Variants in VSIG10 observed in about 807,000 individuals in gnomAD.
VSIG10 encodes V-set and immunoglobulin domain-containing protein 10.
A neutral mutation model predicts 58.7 loss-of-function variants in VSIG10; 48 were observed. The ratio of observed to expected loss-of-function variants is 0.82; its 90% CI spans 0.65 to 1.04. VSIG10 has a LOEUF of 1.04. Among genes scored for constraint, VSIG10 ranks in the 50% least tolerant of loss-of-function variants. The pLI, the probability that VSIG10 is intolerant of heterozygous loss-of-function variation, is 0.00. For synonymous variants in VSIG10, 260 were observed against 267.1 expected, an observed-to-expected ratio of 0.97 and a Z score of 0.26; for missense variants, 628 against 670.0, an observed-to-expected ratio of 0.94 and a Z score of 0.69.
intron 2 of VSIG10, among the ~76,000 whole-genome samples, chr12:118,092,623 T>C (rs1050411089): frequency 6.9e-6 from 1 of 144,916 alleles, no homozygotes; most frequent in African/African-American, 2.5e-5. Flanking sequence ...TTTCATTTCA[T>C]ATGATTTTCT....
rs2032266839 is a variant in VSIG10, at chr12:118,066,858, T to C, written c.1568-164A>G. ...GCGTGTGTTTTCCCCTTTTCACCTG[T>C]TTTCTACATTCAGAACCTCTAGGCA... On this transcript the variant is annotated intron_variant, in intron 8 of 8. Coordinates refer to ENST00000359236, the MANE Select transcript of VSIG10 (RefSeq NM_019086.6). 1.7e-5 allele frequency: 12 copies of C among 710,620 alleles called. 1 individual carries two copies. In the South Asian group the frequency reaches 2.3e-4, roughly 13 times the overall value. The allele number at this position is 710,620 out of a possible 1,614,324, so 44.0% of individuals were successfully genotyped here.
At chr12:118,075,743 A>G (rs1021428383) in intron 4 of VSIG10, among the ~76,000 whole-genome samples, 3 of 151,818 alleles carry the variant, frequency 2.0e-5, no homozygotes, top group African/African-American at 7.3e-5. Flanking sequence ...GCACTGTTAC[A>G]TGTATTAACC....
chr12:118,099,862 T>C (rs1036765106), intron 1 of VSIG10, among the ~76,000 whole-genome samples: 8 of 152,212 alleles, frequency 5.3e-5, no homozygotes, highest in Non-Finnish European at 7.3e-5. Flanking sequence ...TTTAAAGATC[T>C]GAAGCCAGCC....
At position 118,066,366 on chromosome 12, in the gene VSIG10, T is replaced by A; in HGVS notation, c.*273A>T. ...AGATCAACCTGGATAAAGCCAGGAT[T>A]CACAGCAGAAGTGGCACCTCAGACA... On this transcript the variant is annotated 3_prime_UTR_variant, in exon 9 of 9. Coordinates refer to ENST00000359236, the MANE Select transcript of VSIG10 (RefSeq NM_019086.6). The A allele has an allele frequency of 4.0e-6, 2 of 496,982 alleles. No homozygotes were observed. The highest frequency in any genetic ancestry group is 7.3e-6 in the Non-Finnish European group (2 of 273,650). The allele number at this position is 496,982 out of a possible 1,614,324, so 30.8% of individuals were successfully genotyped here.
At chr12:118,079,682 C>G in intron 3 of VSIG10, 76 bp from the exon 4 acceptor site, 1 of 1,568,542 alleles carries the variant, frequency 6.4e-7, no homozygotes, top group East Asian at 2.2e-5. Flanking sequence ...CTAAGGATGG[C>G]AGAACCAGGG....
rs138451942 is a variant in VSIG10 at position 118,092,878 on chromosome 12, C to T, written c.361+2655G>A. Among the ~76,000 whole-genome samples the T allele has an allele frequency of 3.5e-3, 528 of 152,026 alleles. 1 individual carries two copies. The highest frequency in any genetic ancestry group is 0.012 in the African/African-American group (503 of 41,508). On this transcript the variant is annotated intron_variant, in intron 2 of 8. Coordinates refer to ENST00000359236, the MANE Select transcript of VSIG10 (RefSeq NM_019086.6). ...CTCAAACTCCTGGGCTCAAATCATC[C>T]GTCCGCCTCAGCCTCCCAAAGTGCT...
At chr12:118,079,821 ATTTC>A (rs141622446) in intron 3 of VSIG10, among the ~76,000 whole-genome samples, 97,275 of 150,712 alleles carry the variant, frequency 0.65, 32,294 homozygotes, top group African/African-American at 0.81. Context: ...TCACCTTTGC[ATTTC>A]TTTCTTTCTT....
Position 118,068,433 on chromosome 12 carries a change from G to A in VSIG10, c.1511C>T (p.Thr504Ile). ...TTCTATGTTCCCATTCACCAAGGCG[G>A]TCACTCTGTGAATGTGGTCCTGCTT... Reference protein sequence around the residue: ...IPKQDHIHRVTALVNGNIEQM... With the variant: ...IPKQDHIHRVIALVNGNIEQM... The change falls in exon 8 of 9, where the codon ACC becomes ATC. Residue 504 changes from threonine (T) to isoleucine (I), a missense_variant. By Grantham distance (89) the Thr-to-Ile change is moderately conservative. Transcript: ENST00000359236. 2 of 1,613,786 alleles carry A rather than the reference G, an allele frequency of 1.2e-6. No homozygotes were observed. Among genetic ancestry groups the A allele is most frequent in the Non-Finnish European group, 1.7e-6 (2 of 1,179,868 alleles).
intron 1 of VSIG10, among the ~76,000 whole-genome samples, chr12:118,101,370 A>T (rs1398631943): frequency 6.6e-6 from 1 of 152,206 alleles, no homozygotes; most frequent in Non-Finnish European, 1.5e-5. Context: ...GTTATCACTT[A>T]AAGTCCCAAG....
chr12:118,095,994 C>T (rs529366271), intron 1 of VSIG10, among the ~76,000 whole-genome samples, 180 bp from the exon 2 acceptor site: 41 of 143,674 alleles, frequency 2.9e-4, no homozygotes, highest in African/African-American at 3.9e-4. Flanking sequence ...GGCACTATCT[C>T]GCCTAACTGC....
In VSIG10 at chr12:118,066,578, C is replaced by T. The variant is rs1422866913; in HGVS notation, c.*61G>A. The T allele has an allele frequency of 8.2e-6, 13 of 1,581,180 alleles. No homozygotes were observed. The highest frequency in any genetic ancestry group is 9.6e-6 in the Non-Finnish European group (11 of 1,150,202). On this transcript the variant is annotated 3_prime_UTR_variant, in exon 9 of 9. Coordinates refer to ENST00000359236, the MANE Select transcript of VSIG10 (RefSeq NM_019086.6). The stretch of plus-strand genomic sequence containing the variant: ...GGTGGAGTCAAAGCTGAATGAAGAG[C>T]TCGTCTTCAATGTAGCTCTCCAAGC...
intron 2 of VSIG10, among the ~76,000 whole-genome samples, chr12:118,086,158 C>G (rs1202586605): frequency 2.9e-5 from 4 of 138,380 alleles, no homozygotes; most frequent in Non-Finnish European, 6.2e-5. Context: ...AACTTTGTCT[C>G]AAAAAAAAAA....
At position 118,068,027 on chromosome 12, in the gene VSIG10, T is replaced by C. The variant is rs1015772976; in HGVS notation, c.1567+350A>G. 6.3e-4 allele frequency among the ~76,000 whole-genome samples: 79 copies of C among 125,738 alleles called. 1 individual carries two copies. The highest frequency in any genetic ancestry group is 3.7e-3 in the Middle Eastern group (1 of 272). The allele number at this position is 125,738 out of a possible 152,430, so 82.5% of individuals were successfully genotyped here. ...AGCAGTTCAGAGGTTTGTGGGCTTT[T>C]TTTTTTTTTTTTTTTTTTCTGAGGC... On this transcript the variant is annotated intron_variant, in intron 8 of 8. Coordinates refer to ENST00000359236, the MANE Select transcript of VSIG10 (RefSeq NM_019086.6).
Position 118,075,152 on chromosome 12 carries a change from GTA to G in VSIG10, c.926-1162_926-1161del, listed in dbSNP as rs896702384. Among the ~76,000 whole-genome samples, 53 of 114,210 alleles carry G rather than the reference GTA, an allele frequency of 4.6e-4. 1 individual carries two copies. Among genetic ancestry groups the G allele is most frequent in the African/African-American group, 2.0e-3 (51 of 25,106 alleles). The allele number at this position is 114,210 out of a possible 152,430, so 74.9% of individuals were successfully genotyped here. On this transcript the variant is annotated intron_variant, in intron 4 of 8. Transcript: ENST00000359236. ...TGTATATATGTATATATGTGTATAT[GTA>G]TATATATGTATATATATGTATATAT...
chr12:118,103,514 G>A, intron 1 of VSIG10, 79 bp downstream of exon 1: 1 of 1,373,026 alleles, frequency 7.3e-7, no homozygotes, highest in Non-Finnish European at 9.6e-7. Context: ...GGAGTCGGAG[G>A]GAATTGGGTC....
Position 118,071,455 on chromosome 12 carries a change from C to A in VSIG10, c.1234G>T (p.Gly412Trp), listed in dbSNP as rs1385436988. ...CTCACAATGGTTCCCACAATCCCCC[C>A]GATATTTAAAGGTTCTGTAAAGACA... ...WLSVKEPLNI[G>W]GIVGTIVSLL... Residue 412 changes from glycine to tryptophan, a missense_variant, in exon 6 of 9, where the codon GGG (glycine) becomes TGG (tryptophan). Gly to Trp is a radical substitution (Grantham distance 184). Transcript: ENST00000359236. The A allele has an allele frequency of 6.2e-7, 1 of 1,613,888 alleles. No homozygotes were observed. The highest frequency in any genetic ancestry group is 1.7e-5 in the Admixed American group (1 of 60,004).
chr12:118,068,287 G>T, intron 8 of VSIG10, 90 bp downstream of exon 8: 3 of 1,265,314 alleles, frequency 2.4e-6, no homozygotes, highest in Non-Finnish European at 2.2e-6. Flanking sequence ...TTCCCACCTT[G>T]GCCTCCCAAA....
Position 118,082,246 on chromosome 12 carries a change from G to C in VSIG10, c.545C>G (p.Thr182Arg). ...CAGTAACAGTGAGAAAAAGTTGACT[G>C]TCAGGTTGTGGCCAAAGGACTCGCT... ...SSSESFGHNL[T>R]VNFFSLLLIS... Residue 182 changes from threonine (T) to arginine (R), a missense_variant, in exon 3 of 9, where the codon ACA (threonine) becomes AGA (arginine). Transcript: ENST00000359236. 6.2e-7 allele frequency: 1 copy of C among 1,613,988 alleles called. No individual in the cohort carries two copies.
chr12:118,067,250 C>T (rs2032282236), intron 8 of VSIG10, among the ~76,000 whole-genome samples: 1 of 152,132 alleles, frequency 6.6e-6, no homozygotes, highest in Non-Finnish European at 1.5e-5. Context: ...TCTCGAACTC[C>T]TGAGCTCCAG....
Sources: allele counts gnomAD v4.1 joint callset (sites outside exome capture counted in the v4.1 genomes callset), GRCh38; gene constraint gnomAD v4.1.1; transcripts MANE v1.5; gene names NCBI Gene and HGNC (gene_info 2026-07-23, HGNC 2026-07-21).